Variants in DPP10 observed in about 807,000 individuals in gnomAD.
DPP10 encodes inactive dipeptidyl peptidase 10.
In DPP10, 33 loss-of-function variants were observed where a neutral mutation model predicts 120.9. The observed-to-expected ratio is 0.27, with a 90% CI of 0.21 to 0.37. The LOEUF is 0.37. Ranked by LOEUF, DPP10 falls within the 10% of genes least tolerant of loss-of-function variation. The probability of loss-of-function intolerance (pLI) is 1.00; values close to 1 mark genes in which losing one functional copy is unlikely to be tolerated. For missense variants in DPP10, 816 were observed against 942.8 expected (o/e 0.87, Z 1.76); for synonymous variants, 337 against 326.1 (o/e 1.03, Z -0.36).
intron 1 of DPP10, among the ~76,000 whole-genome samples, chr2:114,897,774 A>C (rs1342268721): frequency 6.6e-6 from 1 of 152,224 alleles, no homozygotes; most frequent in African/African-American, 2.4e-5. Flanking sequence ...CCATTAGAGA[A>C]ATGCAAATCA....
At chr2:115,739,622 A>G (rs1456798584) in intron 8 of DPP10, 117 bp from the exon 9 acceptor site, 7 of 1,109,088 alleles carry the variant, frequency 6.3e-6, no homozygotes, top group Non-Finnish European at 9.0e-6. Flanking sequence ...AGTTAATAAA[A>G]TTCAATACAC....
Position 115,560,198 on chromosome 2 carries a change from G to A in DPP10, c.441+34226G>A, listed in dbSNP as rs549907788. Among the ~76,000 whole-genome samples, 8 of 148,726 alleles carry A rather than the reference G, an allele frequency of 5.4e-5. No homozygotes were observed. The South Asian group carries it at 1.1e-3, about 20-fold the overall frequency. On this transcript the variant is annotated intron_variant, in intron 5 of 25. Transcript: ENST00000410059. ...ATCCTGGCTAACACGGTGAAACCCC[G>A]TCTCTACTAATAATACAAAAAAATT... is the stretch of plus-strand genomic sequence containing the variant.
chr2:114,750,757 T>C (rs186628748), intron 1 of DPP10, among the ~76,000 whole-genome samples: 2 of 100,258 alleles, frequency 2.0e-5, no homozygotes, highest in Admixed American at 2.3e-4. Context: ...CTTTCAGGAA[T>C]AGGAGTTACA....
intron 1 of DPP10, among the ~76,000 whole-genome samples, chr2:115,067,511 C>T (rs1008551187): frequency 6.7e-6 from 1 of 149,546 alleles, no homozygotes; most frequent in Non-Finnish European, 1.5e-5. Context: ...CTCGGCCTCC[C>T]AAAGTGCTGG....
chr2:115,161,816 CCGCCCCTCCGCT>C, intron 1 of DPP10: 16 of 814,642 alleles, frequency 2.0e-5, no homozygotes, highest in East Asian at 7.4e-5. Context: ...CTTCCCCTCC[CCGCCCCTCCGCT>C]CCCCCCACCC....
intron 3 of DPP10, among the ~76,000 whole-genome samples, chr2:115,451,632 T>A (rs843447): frequency 6.6e-6 from 1 of 151,748 alleles, no homozygotes; most frequent in Non-Finnish European, 1.5e-5. Flanking sequence ...CAGCTGCCTC[T>A]GTTGCTACCA....
At chr2:114,656,406 G>T (rs1474473284) in intron 1 of DPP10, among the ~76,000 whole-genome samples, 1 of 151,956 alleles carries the variant, frequency 6.6e-6, no homozygotes, top group Non-Finnish European at 1.5e-5. Context: ...AGATAAAAAA[G>T]GAAGAAGATA....
intron 3 of DPP10, among the ~76,000 whole-genome samples, chr2:115,417,317 T>C (rs2069519705): frequency 6.6e-6 from 1 of 152,158 alleles, no homozygotes; most frequent in African/African-American, 2.4e-5. Flanking sequence ...CTTTTAGCTC[T>C]TAGAAAATGA....
chr2:115,187,355 T>C (rs769548940), intron 1 of DPP10, among the ~76,000 whole-genome samples: 2 of 152,064 alleles, frequency 1.3e-5, no homozygotes, highest in Non-Finnish European at 2.9e-5. Flanking sequence ...ATTCTTACAA[T>C]TCATAAAGAG....
At chr2:114,513,809 G>T (rs1558831683) in intron 1 of DPP10, among the ~76,000 whole-genome samples, 1 of 152,110 alleles carries the variant, frequency 6.6e-6, no homozygotes, top group Admixed American at 6.5e-5. Flanking sequence ...CTTGCATAAG[G>T]ACAGGTGAAT....
chr2:115,107,319 A>G (rs2104657367), intron 1 of DPP10, among the ~76,000 whole-genome samples: 2 of 151,918 alleles, frequency 1.3e-5, no homozygotes, highest in African/African-American at 4.8e-5. Context: ...CTGAAACTCA[A>G]GGATTAAAAA....
intron 7 of DPP10, among the ~76,000 whole-genome samples, chr2:115,693,048 T>C (rs1224917797): frequency 1.3e-5 from 2 of 152,126 alleles, no homozygotes; most frequent in East Asian, 3.9e-4. Flanking sequence ...TAAATCATTA[T>C]GATGAAAAAA....
At chr2:115,387,433 G>T (rs1158343114) in intron 3 of DPP10, among the ~76,000 whole-genome samples, 1 of 152,138 alleles carries the variant, frequency 6.6e-6, no homozygotes, top group Admixed American at 6.5e-5. Flanking sequence ...AAAAAATTAA[G>T]ATATTGTCCT....
intron 3 of DPP10, among the ~76,000 whole-genome samples, chr2:115,471,355 C>G (rs1389204865): frequency 6.6e-6 from 1 of 152,086 alleles, no homozygotes; most frequent in Admixed American, 6.6e-5. Flanking sequence ...TTCATTTCTT[C>G]TCTTTGAATA....
rs1237442986 is a variant in DPP10 at position 115,195,622 on chromosome 2, AATTATT to A, written c.61-113612_61-113607del. On this transcript the variant is annotated intron_variant, in intron 1 of 25. Transcript: ENST00000410059. ...ATTACATTTTTTTGTAATTTACAGA[AATTATT>A]ATTACTTTTTTTGTAATTTAGATAA... Among the ~76,000 whole-genome samples the A allele has an allele frequency of 2.6e-5, 4 of 152,270 alleles. No homozygotes were observed. In the East Asian group the frequency reaches 7.7e-4, roughly 29 times the overall value.
At chr2:114,557,590 A>G (rs1688427695) in intron 1 of DPP10, among the ~76,000 whole-genome samples, 1 of 152,162 alleles carries the variant, frequency 6.6e-6, no homozygotes, top group Non-Finnish European at 1.5e-5. Flanking sequence ...GTTATTAACC[A>G]TTAGTATTTG....
chr2:115,230,254 A>G (rs567976708), intron 1 of DPP10, among the ~76,000 whole-genome samples: 20 of 152,084 alleles, frequency 1.3e-4, no homozygotes, highest in African/African-American at 4.1e-4. Context: ...AGAAATGGCT[A>G]TTTTAATGTT....
chr2:114,556,535 T>A (rs1688330108), intron 1 of DPP10, among the ~76,000 whole-genome samples: 1 of 152,028 alleles, frequency 6.6e-6, no homozygotes, highest in South Asian at 2.1e-4. Context: ...CTTTTACAGT[T>A]TGACTTTATA....
At chr2:115,262,227 A>G (rs913801603) in intron 1 of DPP10, among the ~76,000 whole-genome samples, 1 of 152,030 alleles carries the variant, frequency 6.6e-6, no homozygotes, top group Non-Finnish European at 1.5e-5. Flanking sequence ...TTTTTTTTTA[A>G]CTTACTGATC....
Sources: allele counts gnomAD v4.1 joint callset (sites outside exome capture counted in the v4.1 genomes callset), GRCh38; gene constraint gnomAD v4.1.1; transcripts MANE v1.5; gene names NCBI Gene and HGNC (gene_info 2026-07-23, HGNC 2026-07-21).